ZFHX3: variants seen among roughly 807,000 people sequenced by gnomAD.
The protein encoded by ZFHX3 is zinc finger homeobox 3.
In ZFHX3, 42 loss-of-function variants were observed where a neutral mutation model predicts 279.1. The observed-to-expected ratio is 0.15, with a 90% CI of 0.12 to 0.19. ZFHX3 has a LOEUF of 0.19. ZFHX3 is among the 10% of genes least tolerant of loss of function. The pLI is 1.00. For synonymous variants in ZFHX3, 2,293 were observed against 1,957.8 expected (o/e 1.17, Z -4.52); for missense variants, 4,981 against 4,754.0 (o/e 1.05, Z -1.40).
intron 7 of ZFHX3, 54 bp from the exon 8 acceptor site, chr16:72,800,183 G>C (rs1285997156): frequency 6.7e-7 from 1 of 1,484,810 alleles, no homozygotes; most frequent in African/African-American, 1.4e-5. Context: ...CACAAAATAG[G>C]AAATGTTTAA....
Position 73,200,152 on chromosome 16 carries a change from A to G in ZFHX3, c.-1103-56321T>C, listed in dbSNP as rs551043315. Reference sequence around the variant, plus strand: ...AAACATACCAGTGTTATGAAGAAGAATAAAAACTAAAAAATGAATATCTTA... The same window carrying G: ...AAACATACCAGTGTTATGAAGAAGAGTAAAAACTAAAAAATGAATATCTTA... On this transcript the variant is annotated intron_variant, in intron 5 of 17. Coordinates refer to the ZFHX3 transcript ENST00000641206. 1.5e-4 allele frequency among the ~76,000 whole-genome samples: 23 copies of G among 152,330 alleles called. 1 individual carries two copies. In the South Asian group the frequency reaches 4.6e-3, roughly 30 times the overall value.
intron 7 of ZFHX3, chr16:73,098,749 G>C (rs1966196679): frequency 6.6e-6 from 1 of 152,164 alleles, no homozygotes; most frequent in East Asian, 1.9e-4. Flanking sequence ...GGCAGAGCCA[G>C]CGTGGGCACA....
chr16:73,165,707 G>A lies in ZFHX3; in HGVS notation c.-1103-21876C>T, dbSNP rs114486358. On this transcript the variant is annotated intron_variant, in intron 5 of 17. Coordinates refer to the ZFHX3 transcript ENST00000641206. ...AGCAAGAGCCTAGCTGTGGGGTAGAGTACGTGTTCCATTACGTCTCTTGGG... is the reference window on the plus strand; with the variant it reads ...AGCAAGAGCCTAGCTGTGGGGTAGAATACGTGTTCCATTACGTCTCTTGGG... 2.0e-3 allele frequency among the ~76,000 whole-genome samples: 298 copies of A among 152,274 alleles called. 1 individual carries two copies. Among genetic ancestry groups the A allele is most frequent in the African/African-American group, 6.5e-3 (272 of 41,548 alleles).
chr16:73,018,434 C>G (rs1316988373), intron 1 of ZFHX3, among the ~76,000 whole-genome samples: 1 of 152,048 alleles, frequency 6.6e-6, no homozygotes, highest in Admixed American at 6.5e-5. Context: ...GGTGAAACCC[C>G]GTCTCTACTA....
intron 3 of ZFHX3, among the ~76,000 whole-genome samples, chr16:73,418,808 C>T (rs2017653436): frequency 6.6e-6 from 1 of 152,202 alleles, no homozygotes; most frequent in Non-Finnish European, 1.5e-5. Flanking sequence ...AAAACATTTA[C>T]ATTCCTTTGT....
At chr16:73,045,364 C>T (rs1965255788) in intron 1 of ZFHX3, among the ~76,000 whole-genome samples, 1 of 152,192 alleles carries the variant, frequency 6.6e-6, no homozygotes, top group African/African-American at 2.4e-5. Context: ...CATTTAAAGT[C>T]ATAATGATGA....
intron 2 of ZFHX3, among the ~76,000 whole-genome samples, chr16:73,518,779 T>G (rs556731676): frequency 1.3e-5 from 2 of 152,324 alleles, no homozygotes; most frequent in African/African-American, 2.4e-5. Context: ...CTGCATTCAT[T>G]TCTGAGTCCA....
intron 1 of ZFHX3, among the ~76,000 whole-genome samples, chr16:72,972,058 A>AT (rs1268782726): frequency 6.6e-6 from 1 of 151,782 alleles, no homozygotes; most frequent in East Asian, 1.9e-4. Context: ...CGGCCGGCTA[A>AT]TTTTTTGTAG....
chr16:73,196,877 T>C (rs1169120537), intron 5 of ZFHX3, among the ~76,000 whole-genome samples: 1 of 152,128 alleles, frequency 6.6e-6, no homozygotes, highest in African/African-American at 2.4e-5. Flanking sequence ...ATTCCTTGGA[T>C]GAGCAGGGAG....
intron 9 of ZFHX3, among the ~76,000 whole-genome samples, chr16:72,792,488 G>C (rs62051554): frequency 6.6e-6 from 1 of 151,394 alleles, no homozygotes; most frequent in Non-Finnish European, 1.5e-5. Context: ...AGACAGTCTC[G>C]CTGTGTCACC....
chr16:73,622,882 G>T (rs576478839), intron 2 of ZFHX3, among the ~76,000 whole-genome samples: 1 of 152,090 alleles, frequency 6.6e-6, no homozygotes, highest in South Asian at 2.1e-4. Flanking sequence ...TTGTCTTGTC[G>T]CTACCTAGCA....
At chr16:73,247,203 T>A (rs534153873) in intron 5 of ZFHX3, among the ~76,000 whole-genome samples, 1 of 152,076 alleles carries the variant, frequency 6.6e-6, no homozygotes, top group African/African-American at 2.4e-5. Context: ...TGTGTGTGGG[T>A]ATACTGTGTA....
intron 1 of ZFHX3, among the ~76,000 whole-genome samples, chr16:73,797,806 A>ACTT (rs1567413852): frequency 3.2e-5 from 4 of 124,036 alleles, no homozygotes; most frequent in African/African-American, 9.5e-5. Flanking sequence ...CCTTCTGAAG[A>ACTT]CTTTTTTTTT....
chr16:73,508,725 G>A (rs72801424), intron 2 of ZFHX3, among the ~76,000 whole-genome samples: 5,363 of 152,290 alleles, frequency 0.035, 160 homozygotes, highest in African/African-American at 0.078. Context: ...AGCAGATGCA[G>A]TGGTATATAT....
At chr16:73,234,712 C>T (rs2012887742) in intron 5 of ZFHX3, among the ~76,000 whole-genome samples, 1 of 152,212 alleles carries the variant, frequency 6.6e-6, no homozygotes, top group Admixed American at 6.5e-5. Flanking sequence ...TGAACTTTAT[C>T]TTCCTAACTG....
chr16:73,793,749 A>AGAG (rs1255688738), intron 1 of ZFHX3, among the ~76,000 whole-genome samples: 1 of 152,216 alleles, frequency 6.6e-6, no homozygotes, highest in Non-Finnish European at 1.5e-5. Flanking sequence ...AAGAGGAATA[A>AGAG]GAGGAGGAGG....
chr16:73,684,389 T>G (rs543201765), intron 1 of ZFHX3, among the ~76,000 whole-genome samples: 6 of 152,008 alleles, frequency 3.9e-5, no homozygotes, highest in African/African-American at 1.2e-4. Flanking sequence ...AGGAGCGAAT[T>G]AGACTATAGG....
intron 1 of ZFHX3, among the ~76,000 whole-genome samples, chr16:73,780,189 T>TG (rs1166835679): frequency 1.6e-5 from 2 of 123,916 alleles, no homozygotes; most frequent in Non-Finnish European, 3.2e-5. Context: ...TCCCCCAAGC[T>TG]GGGGTGCAGG....
chr16:72,811,770 T>G lies in ZFHX3; in HGVS notation c.3671A>C (p.Gln1224Pro). The change falls in exon 7 of 10, where the codon CAG (glutamine) becomes CCG (proline). Residue 1224 changes from glutamine to proline, a missense_variant. By Grantham distance (76) the Gln-to-Pro change is moderately conservative (BLOSUM62 -1). Around this residue, in one of 7 missense-constraint regions of ZFHX3, gnomAD observed 1,751 missense variants for 1,770.0 expected, o/e 0.99. Coordinates refer to ENST00000268489, the MANE Select transcript of ZFHX3 (RefSeq NM_006885.4). ...ATTACTGTACTTGCAGTAGGGACAC[T>G]GGTACATCTGTGGGGAACACACCCA... Reference protein sequence around the residue: ...AEEIKPEQMYQCPYCKYSNAD... With the variant: ...AEEIKPEQMYPCPYCKYSNAD... 2 of 1,613,340 alleles carry G rather than the reference T, an allele frequency of 1.2e-6. No homozygotes were observed. The highest frequency in any genetic ancestry group is 2.7e-5 in the African/African-American group (2 of 75,056).
Sources: gnomAD v4.1 joint callset for allele counts (sites outside exome capture counted in the v4.1 genomes callset) on GRCh38, gnomAD v4.1.1 for gene constraint, gnomAD v4.1.1 regional missense constraint, MANE v1.5 for transcripts, NCBI Gene and HGNC (gene_info 2026-07-23, HGNC 2026-07-21) for gene names.